EDIL3: variants seen among roughly 807,000 people sequenced by gnomAD.
EDIL3 encodes EGF like and discoidin domains 3.
A neutral mutation model predicts 67.4 loss-of-function variants in EDIL3; 37 were observed. That is an observed-to-expected ratio of 0.55 (90% CI 0.42 to 0.72). The LOEUF (loss-of-function observed/expected upper bound fraction) is 0.72. Ranked by LOEUF, EDIL3 falls within the 30% of genes least tolerant of loss-of-function variation. EDIL3 has a pLI of 0.00. For missense variants in EDIL3, 527 were observed against 586.3 expected, an observed-to-expected ratio of 0.90 and a Z score of 1.04; for synonymous variants, 195 against 196.3, an observed-to-expected ratio of 0.99 and a Z score of 0.05.
chr5:84,048,942 T>C (rs951479787), intron 9 of EDIL3, among the ~76,000 whole-genome samples: 3 of 152,126 alleles, frequency 2.0e-5, no homozygotes, highest in African/African-American at 7.2e-5. Context: ...TCTTTAAGCA[T>C]CTTAACAATG....
rs571879132 is a variant in EDIL3, at chr5:84,174,111, C to T, written c.355+6282G>A. On this transcript the variant is annotated intron_variant, in intron 4 of 10. Transcript: ENST00000296591. ...ATGGCATGGCATGCTAGCAGGAATG[C>T]CTACTGTGAGGGTGGAGACAACCTG... 2.0e-5 allele frequency among the ~76,000 whole-genome samples: 3 copies of T among 152,268 alleles called. No homozygotes were observed. The South Asian group carries it at 6.2e-4, about 32-fold the overall frequency.
At chr5:84,339,067 G>T (rs749333795) in intron 1 of EDIL3, among the ~76,000 whole-genome samples, 6 of 150,660 alleles carry the variant, frequency 4.0e-5, no homozygotes, top group Admixed American at 6.6e-5. Context: ...TGGTAAAAAT[G>T]ATTAACAAGG....
rs983958226 is a variant in EDIL3 at position 84,280,381 on chromosome 5, T to C, written c.68-26169A>G. 2.6e-5 allele frequency among the ~76,000 whole-genome samples: 4 copies of C among 152,340 alleles called. No homozygotes were observed. The East Asian group carries it at 5.8e-4, about 22-fold the overall frequency. Reference sequence around the variant, plus strand: ...ACTAGTATATTCTAATGATCCAGCATGTCTACAGTGTTTTCTGTACAATTA... The same window carrying C: ...ACTAGTATATTCTAATGATCCAGCACGTCTACAGTGTTTTCTGTACAATTA... On this transcript the variant is annotated intron_variant, in intron 1 of 10. Transcript: ENST00000296591.
chr5:84,322,825 A>G (rs904040061), intron 1 of EDIL3, among the ~76,000 whole-genome samples: 24 of 152,202 alleles, frequency 1.6e-4, no homozygotes, highest in Middle Eastern at 3.4e-3. Context: ...AGCAAAAAGC[A>G]TTTCATCACG....
chr5:84,061,774 G>C (rs1177635042), intron 8 of EDIL3, among the ~76,000 whole-genome samples: 1 of 152,110 alleles, frequency 6.6e-6, no homozygotes. Context: ...TATGATTTCT[G>C]TAAAACTCAT....
chr5:83,970,301 G>A (rs963515182), intron 9 of EDIL3, among the ~76,000 whole-genome samples: 1 of 131,104 alleles, frequency 7.6e-6, no homozygotes, highest in Non-Finnish European at 1.6e-5. Context: ...CATGTTCTTT[G>A]TCTATTACCT....
At chr5:84,177,879 C>T (rs527521089) in intron 4 of EDIL3, among the ~76,000 whole-genome samples, 3 of 152,050 alleles carry the variant, frequency 2.0e-5, no homozygotes, top group Non-Finnish European at 4.4e-5. Flanking sequence ...TTTGTCACTC[C>T]TGTATCATGA....
intron 9 of EDIL3, among the ~76,000 whole-genome samples, chr5:83,989,315 C>T (rs1459537543): frequency 2.0e-5 from 3 of 152,108 alleles, no homozygotes; most frequent in African/African-American, 7.2e-5. Flanking sequence ...TTGTCCCCTG[C>T]CCCCACCCCC....
At position 84,147,981 on chromosome 5, in the gene EDIL3, G is replaced by A. The variant is rs530127919; in HGVS notation, c.356-10627C>T. ...TGATATCTTTGAAATTTTATATTAT[G>A]GGCATAATTAAACAAAAATGATGTC... On this transcript the variant is annotated intron_variant, in intron 4 of 10. Coordinates refer to ENST00000296591, the MANE Select transcript of EDIL3 (RefSeq NM_005711.5). Among the ~76,000 whole-genome samples the A allele has an allele frequency of 5.0e-4, 76 of 151,990 alleles. 1 individual carries two copies. In the South Asian group the frequency reaches 0.015, roughly 31 times the overall value.
rs568364197 is a variant in EDIL3 at position 84,333,839 on chromosome 5, G to A, written c.67+50469C>T. 2.4e-4 allele frequency among the ~76,000 whole-genome samples: 37 copies of A among 152,196 alleles called. No individual in the cohort carries two copies. The South Asian group carries it at 7.7e-3, about 32-fold the overall frequency. The stretch of plus-strand genomic sequence containing the variant: ...AAAGTTCACATTTGGAAGAATTTTA[G>A]TGCTGCCTGACAGAATAGAGAAAAA... On this transcript the variant is annotated intron_variant, in intron 1 of 10. Coordinates refer to ENST00000296591, the MANE Select transcript of EDIL3 (RefSeq NM_005711.5).
chr5:83,967,599 G>A (rs1744720078), intron 9 of EDIL3, among the ~76,000 whole-genome samples: 1 of 151,998 alleles, frequency 6.6e-6, no homozygotes. Context: ...GTAATGTTTT[G>A]GCAAAGCATA....
At chr5:84,134,567 A>G (rs1748054964) in intron 5 of EDIL3, among the ~76,000 whole-genome samples, 1 of 152,140 alleles carries the variant, frequency 6.6e-6, no homozygotes, top group African/African-American at 2.4e-5. Context: ...CAGTAAGCAA[A>G]TTCTCTAAGT....
intron 10 of EDIL3, 28 bp downstream of exon 10, chr5:83,963,177 A>T: frequency 6.3e-7 from 1 of 1,576,818 alleles, no homozygotes. Flanking sequence ...CCACTTCTGA[A>T]CTTTATAAAC....
intron 1 of EDIL3, among the ~76,000 whole-genome samples, chr5:84,383,433 G>T (rs1488735764): frequency 1.3e-5 from 2 of 152,274 alleles, no homozygotes; most frequent in East Asian, 3.9e-4. Context: ...GAAGTCCTGC[G>T]TTTTCTTTTA....
intron 10 of EDIL3, among the ~76,000 whole-genome samples, chr5:83,961,804 A>G (rs1391233936): frequency 6.6e-6 from 1 of 151,424 alleles, no homozygotes; most frequent in Admixed American, 6.6e-5. Context: ...TAAGTTTGAA[A>G]ATAATTTTAC....
intron 1 of EDIL3, among the ~76,000 whole-genome samples, chr5:84,370,270 A>G (rs1202696053): frequency 6.6e-6 from 1 of 152,234 alleles, no homozygotes. Context: ...ACAGATTGTC[A>G]TTACACAAAC....
At position 84,355,283 on chromosome 5, in the gene EDIL3, G is replaced by T. The variant is rs147377333; in HGVS notation, c.67+29025C>A. On this transcript the variant is annotated intron_variant, in intron 1 of 10. Coordinates refer to ENST00000296591, the MANE Select transcript of EDIL3 (RefSeq NM_005711.5). Reference sequence around the variant, plus strand: ...TTCCGCTTGATTAATTCGGCTATTGGTACTTGTGTATGCTTCACGAAGTTC... The same window carrying T: ...TTCCGCTTGATTAATTCGGCTATTGTTACTTGTGTATGCTTCACGAAGTTC... Among the ~76,000 whole-genome samples, 430 of 151,664 alleles carry T rather than the reference G, an allele frequency of 2.8e-3. 2 individuals are homozygous for T. Among genetic ancestry groups the T allele is most frequent in the African/African-American group, 9.7e-3 (399 of 41,338 alleles).
intron 10 of EDIL3, among the ~76,000 whole-genome samples, chr5:83,961,638 A>C (rs1254665388): frequency 6.6e-6 from 1 of 151,176 alleles, no homozygotes; most frequent in Non-Finnish European, 1.5e-5. Flanking sequence ...TCTGTCTTAA[A>C]ATTAATTTCA....
chr5:84,282,224 G>A (rs1745719757), intron 1 of EDIL3, among the ~76,000 whole-genome samples: 1 of 151,922 alleles, frequency 6.6e-6, no homozygotes, highest in Admixed American at 6.6e-5. Flanking sequence ...GTCTCTGTGT[G>A]CCCCTCTTTT....
Sources: allele counts gnomAD v4.1 joint callset (sites outside exome capture counted in the v4.1 genomes callset), GRCh38; gene constraint gnomAD v4.1.1; transcripts MANE v1.5; gene names NCBI Gene and HGNC (gene_info 2026-07-23, HGNC 2026-07-21).